SDK1: variants seen among roughly 807,000 people sequenced by gnomAD.
The protein encoded by SDK1 is protein sidekick-1.
A neutral mutation model predicts 245.5 loss-of-function variants in SDK1; 157 were observed. That is an observed-to-expected ratio of 0.64 (90% CI 0.56 to 0.73). SDK1 has a LOEUF of 0.73. Among genes scored for constraint, SDK1 ranks in the 30% least tolerant of loss-of-function variants. The probability of loss-of-function intolerance (pLI) is 0.00; values close to 1 mark genes in which losing one functional copy is unlikely to be tolerated. For missense variants in SDK1, 3,583 were observed against 3,002.3 expected, an observed-to-expected ratio of 1.19 and a Z score of -4.52; for synonymous variants, 1,647 against 1,278.5, an observed-to-expected ratio of 1.29 and a Z score of -6.15.
chr7:3,437,920 A>G (rs189106263), intron 1 of SDK1, among the ~76,000 whole-genome samples: 1 of 152,308 alleles, frequency 6.6e-6, no homozygotes, highest in East Asian at 1.9e-4. Flanking sequence ...CGCAGTGGTA[A>G]TGAGAATACT....
chr7:4,083,266 C>A (rs1781178280), intron 22 of SDK1, among the ~76,000 whole-genome samples: 1 of 152,038 alleles, frequency 6.6e-6, no homozygotes, highest in African/African-American at 2.4e-5. Context: ...TCCCTCCCTA[C>A]CAACCCTCCC....
Position 3,356,824 on chromosome 7 carries a change from G to A in SDK1, c.298+54940G>A, listed in dbSNP as rs185826088. On this transcript the variant is annotated intron_variant, in intron 1 of 44. Transcript: ENST00000404826. ...TGTAATCCCAGCACTTTGGGAGGCC[G>A]AGGCCAGTGGATCACGAGGTCAGGA... Among the ~76,000 whole-genome samples, 12 of 152,120 alleles carry A rather than the reference G, an allele frequency of 7.9e-5. No individual in the cohort carries two copies. The East Asian group carries it at 2.3e-3, about 29-fold the overall frequency.
chr7:4,157,781 G>A (rs1357561542), intron 30 of SDK1, among the ~76,000 whole-genome samples: 2 of 152,102 alleles, frequency 1.3e-5, no homozygotes, highest in Non-Finnish European at 2.9e-5. Flanking sequence ...CAGAGCTCGT[G>A]TGAGTTCAAA....
intron 5 of SDK1, among the ~76,000 whole-genome samples, chr7:3,843,711 G>T (rs561399661): frequency 2.0e-5 from 3 of 152,154 alleles, no homozygotes; most frequent in African/African-American, 7.2e-5. Flanking sequence ...TAGGAAACTC[G>T]CCTGACGATG....
chr7:3,320,210 G>C (rs565028312), intron 1 of SDK1, among the ~76,000 whole-genome samples: 2 of 151,916 alleles, frequency 1.3e-5, no homozygotes, highest in Non-Finnish European at 2.9e-5. Context: ...AAGGAGGTGA[G>C]CATTCTGGAG....
At chr7:4,161,910 C>A (rs531157741) in intron 32 of SDK1, 54 bp downstream of exon 32, 2 of 1,489,562 alleles carry the variant, frequency 1.3e-6, no homozygotes, top group South Asian at 1.1e-5. Context: ...CATTTCCCTG[C>A]GCATTCAGCC....
intron 4 of SDK1, among the ~76,000 whole-genome samples, chr7:3,768,038 T>C (rs1780304733): frequency 6.6e-6 from 1 of 152,206 alleles, no homozygotes; most frequent in Admixed American, 6.5e-5. Context: ...CAGCAGGGCA[T>C]TAATCTTTCT....
At chr7:4,222,552 C>T (rs1309833912) in intron 40 of SDK1, among the ~76,000 whole-genome samples, 2 of 152,180 alleles carry the variant, frequency 1.3e-5, no homozygotes, top group Admixed American at 6.5e-5. Context: ...TCCTCGGCCT[C>T]CCAAAGTGAC....
intron 5 of SDK1, among the ~76,000 whole-genome samples, chr7:3,925,352 G>A (rs893271092): frequency 1.3e-5 from 2 of 152,218 alleles, no homozygotes; most frequent in African/African-American, 4.8e-5. Context: ...CTCTGAGTTT[G>A]CTTAGAAAAA....
At position 3,576,791 on chromosome 7, in the gene SDK1, C is replaced by G. The variant is rs559401992; in HGVS notation, c.299-42289C>G. Among the ~76,000 whole-genome samples, 6 of 152,060 alleles carry G rather than the reference C, an allele frequency of 3.9e-5. No individual in the cohort carries two copies. In the South Asian group the frequency reaches 1.0e-3, roughly 26 times the overall value. On this transcript the variant is annotated intron_variant, in intron 1 of 44. Transcript: ENST00000404826. ...TTCAGCATTTTGTTCCTGATGCTTC[C>G]TTGATTCAGGCAGAAGGTATTTACT...
At chr7:3,492,012 A>G (rs748819683) in intron 1 of SDK1, among the ~76,000 whole-genome samples, 1 of 152,174 alleles carries the variant, frequency 6.6e-6, no homozygotes, top group African/African-American at 2.4e-5. Context: ...TTTTCTTCCA[A>G]TTTACATTGA....
chr7:4,261,962 G>A (rs186945118), intron 44 of SDK1, among the ~76,000 whole-genome samples: 3 of 144,010 alleles, frequency 2.1e-5, no homozygotes, highest in East Asian at 2.1e-4. Context: ...CAGCAAAACC[G>A]AGAAACCTCC....
At chr7:3,508,099 G>T (rs1181301533) in intron 1 of SDK1, among the ~76,000 whole-genome samples, 1 of 152,078 alleles carries the variant, frequency 6.6e-6, no homozygotes, top group East Asian at 1.9e-4. Flanking sequence ...GCTACTGATA[G>T]TCAGGGTGTT....
intron 16 of SDK1, 44 bp from the exon 17 acceptor site, chr7:4,017,127 G>C: frequency 6.5e-7 from 1 of 1,550,080 alleles, no homozygotes; most frequent in South Asian, 1.2e-5. Flanking sequence ...CCGTTCCTGG[G>C]TCCAGTTATT....
chr7:3,514,205 G>A (rs1441143260), intron 1 of SDK1, among the ~76,000 whole-genome samples: 1 of 152,192 alleles, frequency 6.6e-6, no homozygotes, highest in Non-Finnish European at 1.5e-5. Flanking sequence ...TAAATCTCCA[G>A]TCTGATTTTT....
chr7:3,427,319 G>A (rs1382203204), intron 1 of SDK1, among the ~76,000 whole-genome samples: 3 of 152,118 alleles, frequency 2.0e-5, no homozygotes, highest in Admixed American at 2.0e-4. Context: ...AGGAGTTCGA[G>A]ACCAGCCTGG....
At chr7:3,954,578 C>T (rs556812172) in intron 7 of SDK1, among the ~76,000 whole-genome samples, 1 of 88,320 alleles carries the variant, frequency 1.1e-5, no homozygotes, top group South Asian at 4.7e-4. Flanking sequence ...TCCCGCCTCC[C>T]CTCTATACTC....
chr7:3,968,286 G>T (rs945127660), intron 10 of SDK1, among the ~76,000 whole-genome samples: 7 of 152,212 alleles, frequency 4.6e-5, no homozygotes, highest in African/African-American at 1.7e-4. Context: ...CCCATAGCCC[G>T]TTCCATGAGG....
At chr7:4,092,243 C>T (rs1160395487) in intron 22 of SDK1, among the ~76,000 whole-genome samples, 1 of 152,220 alleles carries the variant, frequency 6.6e-6, no homozygotes, top group Non-Finnish European at 1.5e-5. Context: ...AATGCATCTC[C>T]TCTGAGAAAC....
Sources: gnomAD v4.1 joint callset for allele counts (sites outside exome capture counted in the v4.1 genomes callset) on GRCh38, gnomAD v4.1.1 for gene constraint, MANE v1.5 for transcripts, NCBI Gene and HGNC (gene_info 2026-07-23, HGNC 2026-07-21) for gene names.